Variants in FSTL5 observed in about 807,000 individuals in gnomAD.
FSTL5 encodes follistatin-related protein 5.
FSTL5 carries 62 observed loss-of-function variants against 89.1 expected under a neutral mutation model. That is an observed-to-expected ratio of 0.70 (90% confidence interval 0.57 to 0.86). FSTL5 has a LOEUF of 0.86. FSTL5 is among the 40% of genes least tolerant of loss of function. The pLI is 0.00. For missense variants in FSTL5, 1,057 were observed against 1,001.6 expected, an observed-to-expected ratio of 1.06 and a Z score of -0.75; for synonymous variants, 383 against 346.2, an observed-to-expected ratio of 1.11 and a Z score of -1.18.
chr4:161,949,047 G>A (rs1372250414), intron 3 of FSTL5, among the ~76,000 whole-genome samples: 1 of 152,052 alleles, frequency 6.6e-6, no homozygotes, highest in Non-Finnish European at 1.5e-5. Context: ...GCATTGGCAG[G>A]GCTGTGTTCC....
In FSTL5 at chr4:162,163,834, A is replaced by G. The variant is rs1486743416; in HGVS notation, c.-236T>C. 1.3e-5 allele frequency: 2 copies of G among 152,250 alleles called. No homozygotes were observed. Among genetic ancestry groups the G allele is most frequent in the Non-Finnish European group, 2.9e-5 (2 of 68,072 alleles). The allele number at this position is 152,250 out of a possible 1,614,324, so 9.4% of individuals were successfully genotyped here. The stretch of plus-strand genomic sequence containing the variant: ...CGTCCGATACCACACTCCTTTGTCA[A>G]GTTGATATGGGTCCTGTTGGTGAAG... On this transcript the variant is annotated 5_prime_UTR_variant, in exon 1 of 16. Transcript: ENST00000306100.
At chr4:162,064,564 A>G (rs1433498796) in intron 2 of FSTL5, among the ~76,000 whole-genome samples, 1 of 152,020 alleles carries the variant, frequency 6.6e-6, no homozygotes. Context: ...CTTCAAACTC[A>G]TACTAAAACA....
At chr4:161,763,449 T>A (rs1413180709) in intron 5 of FSTL5, among the ~76,000 whole-genome samples, 1 of 152,094 alleles carries the variant, frequency 6.6e-6, no homozygotes, top group Non-Finnish European at 1.5e-5. Flanking sequence ...AGTACAAGAT[T>A]TTTATGCTGA....
At chr4:161,513,303 G>GAGAT (rs1229392391) in intron 10 of FSTL5, among the ~76,000 whole-genome samples, 1 of 121,076 alleles carries the variant, frequency 8.3e-6, no homozygotes, top group Admixed American at 9.0e-5. Context: ...GAGAGAGAGA[G>GAGAT]AGAGAGACAG....
intron 4 of FSTL5, among the ~76,000 whole-genome samples, chr4:161,844,755 A>C (rs1277680977): frequency 1.3e-5 from 2 of 152,136 alleles, no homozygotes; most frequent in East Asian, 3.9e-4. Context: ...ACACATGGAC[A>C]CAGGGAGGGG....
chr4:162,106,178 A>G (rs1293490585), intron 2 of FSTL5, among the ~76,000 whole-genome samples: 3 of 152,242 alleles, frequency 2.0e-5, no homozygotes, highest in Non-Finnish European at 2.9e-5. Flanking sequence ...AACTACCTTT[A>G]CAGATAAACA....
chr4:162,120,863 G>A (rs1387118892), intron 1 of FSTL5, among the ~76,000 whole-genome samples: 1 of 151,940 alleles, frequency 6.6e-6, no homozygotes, highest in Non-Finnish European at 1.5e-5. Context: ...GTGAAGCATA[G>A]TAAAATTGTT....
At position 161,587,575 on chromosome 4, in the gene FSTL5, C is replaced by T. The variant is rs1379291582; in HGVS notation, c.895G>A (p.Asp299Asn). The change falls in exon 8 of 16, where the codon GAC becomes AAC. Residue 299 changes from aspartate to asparagine, a missense_variant and splice_region_variant. Asp to Asn is a conservative substitution (Grantham distance 23, BLOSUM62 1). Transcript: ENST00000306100. ...LNNLDLEDINDFGDDGSLYIT... is the reference protein window; with the variant it reads ...LNNLDLEDINNFGDDGSLYIT... ...TACAAGGACCCATCATCTCCAAAGTCCTATTAAAAATAAAATAAAACAAGG... is the reference window on the plus strand; with the variant it reads ...TACAAGGACCCATCATCTCCAAAGTTCTATTAAAAATAAAATAAAACAAGG... The T allele has an allele frequency of 6.3e-7, 1 of 1,584,366 alleles. No homozygotes were observed. Among genetic ancestry groups the T allele is most frequent in the African/African-American group, 1.4e-5 (1 of 73,302 alleles).
chr4:161,626,587 ATTGC>A (rs762206758), intron 7 of FSTL5, among the ~76,000 whole-genome samples: 231 of 152,306 alleles, frequency 1.5e-3, no homozygotes, highest in Admixed American at 2.8e-3. Flanking sequence ...TGCTTTTATG[ATTGC>A]AATCACCACA....
chr4:161,962,508 T>G (rs1378950405), intron 3 of FSTL5, among the ~76,000 whole-genome samples: 1 of 152,018 alleles, frequency 6.6e-6, no homozygotes, highest in Non-Finnish European at 1.5e-5. Flanking sequence ...CAGAGTATTT[T>G]TTTTTGTAGT....
chr4:162,091,944 G>A (rs1730565559), intron 2 of FSTL5, among the ~76,000 whole-genome samples: 1 of 141,162 alleles, frequency 7.1e-6, no homozygotes, highest in African/African-American at 2.6e-5. Flanking sequence ...GACAATATAT[G>A]TATATCTATA....
chr4:161,393,089 G>T (rs1190143629), intron 15 of FSTL5, among the ~76,000 whole-genome samples: 1 of 151,904 alleles, frequency 6.6e-6, no homozygotes, highest in Non-Finnish European at 1.5e-5. Flanking sequence ...ACTTGAACCC[G>T]GGAGGCAGAG....
chr4:161,712,481 C>G (rs1343125345), intron 6 of FSTL5, among the ~76,000 whole-genome samples: 1 of 152,074 alleles, frequency 6.6e-6, no homozygotes, highest in Non-Finnish European at 1.5e-5. Flanking sequence ...GTCTTATCTA[C>G]AGAAATAAAT....
intron 6 of FSTL5, among the ~76,000 whole-genome samples, chr4:161,657,936 G>C (rs1736574666): frequency 6.6e-6 from 1 of 152,058 alleles, no homozygotes; most frequent in Non-Finnish European, 1.5e-5. Flanking sequence ...GCTTATTTAA[G>C]TTATCATTGT....
intron 6 of FSTL5, among the ~76,000 whole-genome samples, chr4:161,697,801 G>T (rs1471787747): frequency 6.6e-6 from 1 of 152,100 alleles, no homozygotes; most frequent in African/African-American, 2.4e-5. Flanking sequence ...CAAAAAAGTT[G>T]ATCTCTTCTG....
intron 3 of FSTL5, among the ~76,000 whole-genome samples, chr4:161,978,748 A>G (rs1735734713): frequency 6.6e-6 from 1 of 152,080 alleles, no homozygotes; most frequent in South Asian, 2.1e-4. Context: ...TTATAAAGCC[A>G]CTTGTCTTCT....
At chr4:162,066,026 T>C (rs1738883693) in intron 2 of FSTL5, among the ~76,000 whole-genome samples, 1 of 152,070 alleles carries the variant, frequency 6.6e-6, no homozygotes, top group African/African-American at 2.4e-5. Flanking sequence ...TCTTGGATTC[T>C]TGTAAAATCA....
intron 10 of FSTL5, among the ~76,000 whole-genome samples, chr4:161,516,675 G>C (rs1730846120): frequency 7.6e-6 from 1 of 132,070 alleles, no homozygotes; most frequent in East Asian, 2.1e-4. Context: ...CACACACTAA[G>C]TATATATGTA....
At chr4:161,763,962 C>CT (rs138420313) in intron 5 of FSTL5, among the ~76,000 whole-genome samples, 5,601 of 152,104 alleles carry the variant, frequency 0.037, 156 homozygotes, top group Non-Finnish European at 0.061. Context: ...TTCCTTTCTT[C>CT]TTTTTCCTTT....
Sources: allele counts gnomAD v4.1 joint callset (sites outside exome capture counted in the v4.1 genomes callset), GRCh38; gene constraint gnomAD v4.1.1; transcripts MANE v1.5; gene names NCBI Gene and HGNC (gene_info 2026-07-23, HGNC 2026-07-21).